DTNA: variants seen among roughly 807,000 people sequenced by gnomAD.
The protein encoded by DTNA is dystrobrevin alpha.
In DTNA, 43 loss-of-function variants were observed where a neutral mutation model predicts 100.7. The ratio of observed to expected loss-of-function variants is 0.43; its 90% CI spans 0.33 to 0.55. The LOEUF is 0.55. DTNA is among the 20% of genes least tolerant of loss of function. The pLI, the probability that DTNA is intolerant of heterozygous loss-of-function variation, is 0.04. For missense variants in DTNA, 798 were observed against 953.9 expected (o/e 0.84, Z 2.15); for synonymous variants, 349 against 347.9 (o/e 1.00, Z -0.04).
At chr18:34,549,509 C>T (rs370627968) in intron 1 of DTNA, among the ~76,000 whole-genome samples, 2 of 152,092 alleles carry the variant, frequency 1.3e-5, no homozygotes, top group African/African-American at 4.8e-5. Context: ...TCCTAACTCT[C>T]TCACTTTTCT....
chr18:34,558,371 A>G (rs1338922651), intron 1 of DTNA, among the ~76,000 whole-genome samples: 3 of 152,164 alleles, frequency 2.0e-5, no homozygotes, highest in East Asian at 1.9e-4. Context: ...AGCTGTTCCT[A>G]TTCGGCCATC....
chr18:34,734,178 C>T lies in DTNA; in HGVS notation c.-1-21798C>T, dbSNP rs149004805. 8.6e-3 allele frequency among the ~76,000 whole-genome samples: 1,314 copies of T among 152,228 alleles called. 6 individuals carry two copies. Among genetic ancestry groups the T allele is most frequent in the Non-Finnish European group, 0.014 (956 of 68,018 alleles). ...GCAAACAGAGGTATTGAGGGTGGCT[C>T]CTCAGGAGAATCAACATTATCTTGC... On this transcript the variant is annotated intron_variant, in intron 1 of 22. Transcript: ENST00000444659.
intron 18 of DTNA, among the ~76,000 whole-genome samples, chr18:34,875,884 C>T (rs954708154): frequency 6.6e-6 from 1 of 152,208 alleles, no homozygotes; most frequent in Non-Finnish European, 1.5e-5. Context: ...GGCAGGGCTA[C>T]AGGGTTAAGC....
At chr18:34,710,796 TG>T (rs1316230982) in intron 1 of DTNA, among the ~76,000 whole-genome samples, 1 of 152,180 alleles carries the variant, frequency 6.6e-6, no homozygotes, top group Admixed American at 6.5e-5. Flanking sequence ...TTTCTTGTTT[TG>T]TTTTTTGAAA....
intron 1 of DTNA, among the ~76,000 whole-genome samples, chr18:34,754,916 A>G (rs767944704): frequency 6.6e-6 from 1 of 152,188 alleles, no homozygotes; most frequent in South Asian, 2.1e-4. Context: ...GGGTGACAGC[A>G]AGTTAGCTTG....
intron 3 of DTNA, among the ~76,000 whole-genome samples, chr18:34,772,762 T>A (rs1006910358): frequency 6.6e-5 from 10 of 152,250 alleles, no homozygotes; most frequent in Non-Finnish European, 1.3e-4. Flanking sequence ...ACATTTATTA[T>A]CTTACAGTTT....
chr18:34,854,107 A>T lies in DTNA; in HGVS notation c.1532+2179A>T, dbSNP rs184416572. Among the ~76,000 whole-genome samples, 286 of 152,294 alleles carry T rather than the reference A, an allele frequency of 1.9e-3. 1 individual carries two copies. Among genetic ancestry groups the T allele is most frequent in the Middle Eastern group, 3.4e-3 (1 of 294 alleles). ...AACCATTGGACTTTGTGGTTCGTGG[A>T]ATGCTTGTGTGAGTATTGATGACAC... On this transcript the variant is annotated intron_variant, in intron 15 of 22. Transcript: ENST00000444659.
intron 1 of DTNA, among the ~76,000 whole-genome samples, chr18:34,676,896 C>T (rs962849343): frequency 3.9e-5 from 6 of 152,136 alleles, no homozygotes; most frequent in Admixed American, 3.9e-4. Context: ...GTTCATGTGA[C>T]AATTTTGCTT....
At chr18:34,654,841 C>G (rs1295906453) in intron 1 of DTNA, among the ~76,000 whole-genome samples, 2 of 152,006 alleles carry the variant, frequency 1.3e-5, no homozygotes, top group African/African-American at 4.8e-5. Context: ...ATTCTCCTGC[C>G]TCAGCCTCCC....
At chr18:34,599,065 C>T (rs1259787765) in intron 1 of DTNA, among the ~76,000 whole-genome samples, 1 of 152,094 alleles carries the variant, frequency 6.6e-6, no homozygotes, top group Non-Finnish European at 1.5e-5. Flanking sequence ...ACTTTTTACA[C>T]ATTTATTGTG....
chr18:34,665,415 TTATTTA>T (rs1240631542), intron 1 of DTNA, among the ~76,000 whole-genome samples: 1 of 152,102 alleles, frequency 6.6e-6, no homozygotes, highest in Non-Finnish European at 1.5e-5. Context: ...TAGAGAAGAA[TTATTTA>T]TATATATATT....
At chr18:34,873,480 C>T (rs1229641202) in intron 17 of DTNA, among the ~76,000 whole-genome samples, 1 of 152,204 alleles carries the variant, frequency 6.6e-6, no homozygotes, top group Non-Finnish European at 1.5e-5. Flanking sequence ...CGTCTGTCTC[C>T]ATTGAGGGAC....
intron 1 of DTNA, chr18:34,755,691 T>A: frequency 2.7e-6 from 1 of 376,876 alleles, no homozygotes; most frequent in Admixed American, 4.0e-5. Context: ...GATGGTAGAT[T>A]GTTGTATTTA....
chr18:34,810,749 A>G (rs1368295168), intron 5 of DTNA, among the ~76,000 whole-genome samples: 1 of 152,212 alleles, frequency 6.6e-6, no homozygotes, highest in Non-Finnish European at 1.5e-5. Flanking sequence ...GGTAACGCCC[A>G]TTATCCTGAT....
chr18:34,868,775 A>C, intron 17 of DTNA: 1 of 984,984 alleles, frequency 1.0e-6, no homozygotes, highest in Non-Finnish European at 1.2e-6. Context: ...GATGATTATG[A>C]TATCACAAGC....
chr18:34,570,890 G>A (rs528443969), intron 1 of DTNA, among the ~76,000 whole-genome samples: 1 of 152,230 alleles, frequency 6.6e-6, no homozygotes, highest in African/African-American at 2.4e-5. Context: ...GAGGAGTGAA[G>A]GATACCTAAA....
At chr18:34,569,481 GAGAAAAAAAAAGCA>G (rs2047380891) in intron 1 of DTNA, among the ~76,000 whole-genome samples, 1 of 151,334 alleles carries the variant, frequency 6.6e-6, no homozygotes. Context: ...TGGTGATAGT[GAGAAAAAAAAAGCA>G]AGGGGTGGGA....
intron 6 of DTNA, among the ~76,000 whole-genome samples, chr18:34,812,692 G>A (rs890410227): frequency 1.3e-5 from 2 of 152,106 alleles, no homozygotes; most frequent in African/African-American, 4.8e-5. Context: ...CTCAACACCT[G>A]GGAATTACAG....
At position 34,860,230 on chromosome 18, in the gene DTNA, T is replaced by A. The variant is rs1412221987; in HGVS notation, c.1646+1832T>A. ...CCCGGCTAATTTTTTGTTTTTTTTTTTTTTTTTTTTTTTTTTTTTGGAGAG... is the reference window on the plus strand; with the variant it reads ...CCCGGCTAATTTTTTGTTTTTTTTTATTTTTTTTTTTTTTTTTTTGGAGAG... On this transcript the variant is annotated intron_variant, in intron 16 of 22. Transcript: ENST00000444659. 1.1e-3 allele frequency among the ~76,000 whole-genome samples: 140 copies of A among 133,246 alleles called. 2 individuals are homozygous for A. The highest frequency in any genetic ancestry group is 3.6e-3 in the African/African-American group (121 of 33,638). The allele number at this position is 133,246 out of a possible 152,430, so 87.4% of individuals were successfully genotyped here.
Sources: gnomAD v4.1 joint callset for allele counts (sites outside exome capture counted in the v4.1 genomes callset) on GRCh38, gnomAD v4.1.1 for gene constraint, MANE v1.5 for transcripts, NCBI Gene and HGNC (gene_info 2026-07-23, HGNC 2026-07-21) for gene names.